SPAG1: variants seen among roughly 807,000 people sequenced by gnomAD.
The protein encoded by SPAG1 is sperm associated antigen 1, also known as sperm-associated antigen 1.
A neutral mutation model predicts 100.5 loss-of-function variants in SPAG1; 69 were observed. The ratio of observed to expected loss-of-function variants is 0.69; its 90% CI spans 0.57 to 0.84. The LOEUF is 0.84. Ranked by LOEUF, SPAG1 falls within the 40% of genes least tolerant of loss-of-function variation. SPAG1 has a pLI of 0.00. For missense variants in SPAG1, 955 were observed against 1,133.1 expected (o/e 0.84, Z 2.26); for synonymous variants, 336 against 411.6 (o/e 0.82, Z 2.22).
intron 16 of SPAG1, among the ~76,000 whole-genome samples, chr8:100,233,977 A>G (rs977122470): frequency 6.6e-6 from 1 of 152,244 alleles, no homozygotes; most frequent in Admixed American, 6.5e-5. Context: ...TTGAAAGCTT[A>G]TAGTGATCTG....
intron 14 of SPAG1, among the ~76,000 whole-genome samples, chr8:100,228,395 G>T (rs1167143001): frequency 2.4e-5 from 3 of 125,038 alleles, no homozygotes; most frequent in Non-Finnish European, 4.9e-5. Flanking sequence ...AACAAAGCAA[G>T]ACCCCCATCT....
intron 10 of SPAG1, among the ~76,000 whole-genome samples, chr8:100,201,037 A>G (rs189561195): frequency 1.3e-5 from 2 of 151,452 alleles, no homozygotes; most frequent in Admixed American, 1.3e-4. Context: ...TGTACTTTTG[A>G]TATCATATAT....
At chr8:100,228,892 G>C (rs1818637387) in intron 14 of SPAG1, among the ~76,000 whole-genome samples, 1 of 151,970 alleles carries the variant, frequency 6.6e-6, no homozygotes, top group Non-Finnish European at 1.5e-5. Flanking sequence ...GTGTATGTTT[G>C]AAAACTTGGT....
chr8:100,205,973 C>G (rs1292198214), intron 10 of SPAG1, among the ~76,000 whole-genome samples: 1 of 130,410 alleles, frequency 7.7e-6, no homozygotes, highest in African/African-American at 3.0e-5. Flanking sequence ...GAGCCGAGAT[C>G]ATGCCACTGC....
intron 2 of SPAG1, 146 bp downstream of exon 2, chr8:100,162,566 A>C: frequency 1.6e-6 from 1 of 625,394 alleles, no homozygotes. Context: ...TCCTATGGTT[A>C]GTTTGGAGAG....
At chr8:100,224,232 T>C (rs1375712935) in intron 13 of SPAG1, among the ~76,000 whole-genome samples, 1 of 152,178 alleles carries the variant, frequency 6.6e-6, no homozygotes, top group Non-Finnish European at 1.5e-5. Context: ...GTATCTTGTA[T>C]TTTCATCTTT....
chr8:100,217,332 C>T (rs1818042545), intron 12 of SPAG1, among the ~76,000 whole-genome samples: 1 of 152,080 alleles, frequency 6.6e-6, no homozygotes, highest in Non-Finnish European at 1.5e-5. Context: ...GAAAATTTTA[C>T]CTATGAAAAT....
chr8:100,205,130 A>C (rs1183203924), intron 10 of SPAG1, among the ~76,000 whole-genome samples: 1 of 152,220 alleles, frequency 6.6e-6, no homozygotes, highest in Non-Finnish European at 1.5e-5. Flanking sequence ...ACAGAGAATC[A>C]TGGCTTTTCA....
At chr8:100,171,665 T>C (rs1254676785) in intron 3 of SPAG1, among the ~76,000 whole-genome samples, 1 of 152,212 alleles carries the variant, frequency 6.6e-6, no homozygotes, top group Non-Finnish European at 1.5e-5. Context: ...CACAGGGTTC[T>C]GTCTGGGTAC....
chr8:100,224,370 C>T (rs1028152621), intron 13 of SPAG1, among the ~76,000 whole-genome samples: 24 of 152,158 alleles, frequency 1.6e-4, no homozygotes, highest in Non-Finnish European at 3.1e-4. Flanking sequence ...GGCAAAACCC[C>T]GTCTCTACTA....
intron 14 of SPAG1, 42 bp from the exon 15 acceptor site, chr8:100,231,114 C>T: frequency 6.4e-7 from 1 of 1,564,470 alleles, no homozygotes; most frequent in South Asian, 1.2e-5. Context: ...TATAGAGGTG[C>T]TTGTACAGAT....
rs748309650 is a variant in SPAG1 at position 100,231,301 on chromosome 8, T to G, written c.1988+13T>G. The G allele has an allele frequency of 9.6e-6, 14 of 1,451,026 alleles. No homozygotes were observed. In the South Asian group the frequency reaches 1.9e-4, roughly 19 times the overall value. The allele number at this position is 1,451,026 out of a possible 1,614,324, so 89.9% of individuals were successfully genotyped here. A position where few individuals can be genotyped will look rare whatever the true frequency, so the allele number is the denominator to read the frequency against. On this transcript the variant is annotated intron_variant, in intron 15 of 18. Coordinates refer to ENST00000388798, the MANE Select transcript of SPAG1 (RefSeq NM_003114.5). ...TATATACAAACAGGCAAGTTCTTTG[T>G]AACTTTATATATTTCTTATGTTAAT...
chr8:100,198,320 G>GA (rs1313495526), intron 10 of SPAG1, among the ~76,000 whole-genome samples: 1 of 152,004 alleles, frequency 6.6e-6, no homozygotes, highest in Non-Finnish European at 1.5e-5. Flanking sequence ...ATGTGAAAAT[G>GA]AAAAACGTGT....
chr8:100,231,156 A>G lies in SPAG1; in HGVS notation c.1856A>G (p.Asp619Gly). The G allele has an allele frequency of 6.3e-7, 1 of 1,598,376 alleles. No individual in the cohort carries two copies. The highest frequency in any genetic ancestry group is 1.1e-5 in the South Asian group (1 of 88,462). ...TCTTCTTTGTTTTTTTGTCCCATAG[A>G]TGAAAAAACATTTAAAGCCCTTAAG... Reference protein sequence around the residue: ...SSSHRQQGITDEKTFKALKEE... With the variant: ...SSSHRQQGITGEKTFKALKEE... Residue 619 changes from aspartate (D) to glycine (G), a missense_variant and splice_region_variant, in exon 15 of 19, where the codon GAT becomes GGT. Asp to Gly is a moderately conservative substitution (Grantham distance 94, BLOSUM62 -1). Coordinates refer to ENST00000388798, the MANE Select transcript of SPAG1 (RefSeq NM_003114.5).
At chr8:100,230,722 C>G (rs1818730371) in intron 14 of SPAG1, among the ~76,000 whole-genome samples, 1 of 152,208 alleles carries the variant, frequency 6.6e-6, no homozygotes, top group Admixed American at 6.5e-5. Flanking sequence ...CTCCCAGGTT[C>G]AAGCACTTCT....
At chr8:100,172,008 C>T (rs887401824) in intron 3 of SPAG1, among the ~76,000 whole-genome samples, 10 of 152,102 alleles carry the variant, frequency 6.6e-5, no homozygotes, top group African/African-American at 2.4e-4. Flanking sequence ...GATTCTCCCG[C>T]CTCAGCCTCC....
intron 3 of SPAG1, among the ~76,000 whole-genome samples, chr8:100,169,250 T>C (rs1323851910): frequency 6.6e-6 from 1 of 152,152 alleles, no homozygotes; most frequent in East Asian, 1.9e-4. Context: ...CTTGGTACCA[T>C]TGTCAAAAAT....
chr8:100,183,424 C>A lies in SPAG1; in HGVS notation c.476C>A (p.Ala159Glu). 6.7e-7 allele frequency: 1 copy of A among 1,497,906 alleles called. No homozygotes were observed. Among genetic ancestry groups the A allele is most frequent in the Non-Finnish European group, 9.2e-7 (1 of 1,086,042 alleles). 92.8% of individuals were successfully genotyped at this position (1,497,906 alleles called of 1,614,324 possible). ...AAAAAGAAAACTCCAAGGGATTACGCGGAATGGGATAAGTATGTTTTACAT... is the reference window on the plus strand; with the variant it reads ...AAAAAGAAAACTCCAAGGGATTACGAGGAATGGGATAAGTATGTTTTACAT... ...PTKKKTPRDY[A>E]EWDKFDVEKE... Residue 159 changes from alanine to glutamate, a missense_variant, in exon 5 of 19, where the codon GCG (alanine) becomes GAG (glutamate). Transcript: ENST00000388798.
At chr8:100,176,959 T>C (rs1816157823) in intron 3 of SPAG1, among the ~76,000 whole-genome samples, 1 of 150,948 alleles carries the variant, frequency 6.6e-6, no homozygotes, top group Non-Finnish European at 1.5e-5. Flanking sequence ...TTTTTTCGTT[T>C]CTTTCTTTTT....
Sources: allele counts gnomAD v4.1 joint callset (sites outside exome capture counted in the v4.1 genomes callset), GRCh38; gene constraint gnomAD v4.1.1; transcripts MANE v1.5; gene names NCBI Gene and HGNC (gene_info 2026-07-23, HGNC 2026-07-21).